The following DYSF variants were observed in gnomAD, a reference collection of about 807,000 sequenced individuals.
DYSF encodes dystrophy-associated fer-1-like 1.
A neutral mutation model predicts 274.9 loss-of-function variants in DYSF; 212 were observed. The ratio of observed to expected loss-of-function variants is 0.77; its 90% CI spans 0.69 to 0.86. The LOEUF (loss-of-function observed/expected upper bound fraction) is 0.86. Among genes scored for constraint, DYSF ranks in the 40% least tolerant of loss-of-function variants. DYSF has a pLI of 0.00. For missense variants in DYSF, 2,666 were observed against 2,783.2 expected, an observed-to-expected ratio of 0.96 and a Z score of 0.95; for synonymous variants, 1,091 against 1,078.7, an observed-to-expected ratio of 1.01 and a Z score of -0.22.
At chr2:71,543,635 A>G (rs1365418438) in intron 17 of DYSF, among the ~76,000 whole-genome samples, 2 of 152,246 alleles carry the variant, frequency 1.3e-5, no homozygotes, top group Non-Finnish European at 2.9e-5. Flanking sequence ...GGAGGCTGGC[A>G]GATCACTCGC....
intron 32 of DYSF, among the ~76,000 whole-genome samples, chr2:71,592,694 G>A (rs1014461290): frequency 6.6e-5 from 10 of 152,246 alleles, no homozygotes; most frequent in African/African-American, 2.4e-4. Context: ...CTGGGGCAGA[G>A]AGGGCCCTCC....
intron 36 of DYSF, among the ~76,000 whole-genome samples, chr2:71,604,974 T>G (rs1002496909): frequency 7.9e-5 from 12 of 152,282 alleles, no homozygotes; most frequent in African/African-American, 2.9e-4. Context: ...TCTCCCAGGC[T>G]TTATGCCCAT....
chr2:71,632,010 G>A (rs1026874138), intron 41 of DYSF, among the ~76,000 whole-genome samples: 3 of 152,006 alleles, frequency 2.0e-5, no homozygotes, highest in African/African-American at 7.2e-5. Context: ...TCTTTCCCCT[G>A]GTCTGAGAGG....
chr2:71,678,440 A>G (rs927190561), intron 52 of DYSF, among the ~76,000 whole-genome samples: 20 of 152,218 alleles, frequency 1.3e-4, no homozygotes, highest in South Asian at 8.3e-4. Context: ...ACAAAAGAAC[A>G]AATATTGTAT....
chr2:71,660,390 A>C (rs1036990439), intron 44 of DYSF, among the ~76,000 whole-genome samples, 170 bp from the exon 45 acceptor site: 1 of 152,212 alleles, frequency 6.6e-6, no homozygotes, highest in African/African-American at 2.4e-5. Flanking sequence ...GTCAGGGTCC[A>C]AGTGGAGTGG....
At chr2:71,655,535 C>T (rs1163182205) in intron 42 of DYSF, among the ~76,000 whole-genome samples, 1 of 152,212 alleles carries the variant, frequency 6.6e-6, no homozygotes, top group African/African-American at 2.4e-5. Flanking sequence ...AATTCTAAAG[C>T]ACTGCTTTAA....
rs2087885091 is a variant in DYSF, at chr2:71,526,236, C to T, written c.1166C>T (p.Pro389Leu). 2 of 1,614,242 alleles carry T rather than the reference C, an allele frequency of 1.2e-6. No individual in the cohort carries two copies. Among genetic ancestry groups the T allele is most frequent in the South Asian group, 2.2e-5 (2 of 91,088 alleles). ...TCTTTGTAGCTGGAGAGAAAAGACC[C>T]CTCTGAAGACAAGGAGGACATTGAA... ...GDEAPLERKD[P>L]SEDKEDIESN... is the part of the protein sequence containing the mutation. Residue 389 changes from proline to leucine, a missense_variant, in exon 13 of 56, where the codon CCC becomes CTC. Coordinates refer to ENST00000410020, the MANE Select transcript of DYSF (RefSeq NM_001130987.2).
chr2:71,574,330 A>T lies in DYSF; in HGVS notation c.3361A>T (p.Lys1121Ter), dbSNP rs1558513494. 5 of 1,614,040 alleles carry T rather than the reference A, an allele frequency of 3.1e-6. No individual in the cohort carries two copies. Among genetic ancestry groups the T allele is most frequent in the Non-Finnish European group, 3.4e-6 (4 of 1,179,966 alleles). Residue 1121 changes from lysine (K) to a stop codon, truncating the protein, a stop_gained, in exon 30 of 56, where the codon AAG becomes TAG. Transcript: ENST00000410020. LOFTEE classifies it high-confidence loss of function. ...RWRRRMEPLE[K>*]TGPAAVFALE... ...GCGCCGTCGCATGGAGCCACTGGAG[A>T]AGACGGGGCCTGCAGCTGTGTTTGC...
At chr2:71,462,150 C>A (rs1174701419), upstream of DYSF, among the ~76,000 whole-genome samples, 1 of 152,216 alleles carries the variant, frequency 6.6e-6, no homozygotes, top group Non-Finnish European at 1.5e-5. Context: ...AGCCCTGATC[C>A]CACGCCTGCG....
chr2:71,672,324 G>A (rs2095139531), intron 51 of DYSF, among the ~76,000 whole-genome samples: 1 of 152,076 alleles, frequency 6.6e-6, no homozygotes, highest in African/African-American at 2.4e-5. Context: ...ATCGAGTCTG[G>A]ATGGGTTCGT....
intron 14 of DYSF, among the ~76,000 whole-genome samples, chr2:71,529,302 C>T (rs1159212524): frequency 3.3e-5 from 5 of 152,218 alleles, no homozygotes; most frequent in African/African-American, 7.2e-5. Flanking sequence ...CCCCCACAGC[C>T]ACTGCTAGCT....
chr2:71,601,284 A>T, intron 34 of DYSF: 1 of 659,742 alleles, frequency 1.5e-6, no homozygotes, highest in Non-Finnish European at 2.7e-6. Flanking sequence ...TATGATGTGA[A>T]CCCGAATAAG....
upstream of DYSF, among the ~76,000 whole-genome samples, chr2:71,464,855 G>T (rs183614245): frequency 1.4e-3 from 207 of 152,236 alleles, 2 homozygotes; most frequent in African/African-American, 4.5e-3. Context: ...GGCAAGGGAT[G>T]ACAGGCTTCC....
chr2:71,516,128 G>A (rs1004869329), intron 8 of DYSF, 52 bp from the exon 9 acceptor site: 14 of 1,581,406 alleles, frequency 8.9e-6, no homozygotes, highest in Admixed American at 1.7e-5. Flanking sequence ...CCTCTCCCTG[G>A]CCTGAGGGAT....
At chr2:71,502,801 C>T (rs187524562) in intron 3 of DYSF, among the ~76,000 whole-genome samples, 12 of 152,280 alleles carry the variant, frequency 7.9e-5, no homozygotes, top group East Asian at 3.9e-4. Context: ...CCAATACAGA[C>T]GGCCTGTGTA....
At position 71,530,650 on chromosome 2, in the gene DYSF, A is replaced by T. The variant is rs78483279; in HGVS notation, c.1380+2249A>T. 6.9e-3 allele frequency among the ~76,000 whole-genome samples: 1,048 copies of T among 152,276 alleles called. 13 individuals are homozygous for T. The highest frequency in any genetic ancestry group is 0.024 in the African/African-American group (1,013 of 41,572). ...AGAATGACCTTATGGTGAAGGAGGCAGCTGGAATGCTCCGTCTTGAAAGTT... is the reference window on the plus strand; with the variant it reads ...AGAATGACCTTATGGTGAAGGAGGCTGCTGGAATGCTCCGTCTTGAAAGTT... On this transcript the variant is annotated intron_variant, in intron 14 of 55. Transcript: ENST00000410020.
chr2:71,529,685 T>A (rs543517441), intron 14 of DYSF, among the ~76,000 whole-genome samples: 1 of 152,240 alleles, frequency 6.6e-6, no homozygotes, highest in South Asian at 2.1e-4. Flanking sequence ...GGTGATATCT[T>A]GGCACTGTAC....
At chr2:71,466,655 CG>C (rs2081552726), upstream of DYSF, 2 of 1,316,574 alleles carry the variant, frequency 1.5e-6, no homozygotes, top group Admixed American at 7.0e-5. Context: ...GTCCGCCCAG[CG>C]GGTGTCCGGT....
At chr2:71,592,560 G>C (rs561946797) in intron 32 of DYSF, among the ~76,000 whole-genome samples, 1 of 152,376 alleles carries the variant, frequency 6.6e-6, no homozygotes, top group Admixed American at 6.5e-5. Flanking sequence ...GCCGGAGGCT[G>C]TGCATGGCCA....
Sources: gnomAD v4.1 joint callset for allele counts (sites outside exome capture counted in the v4.1 genomes callset) on GRCh38, gnomAD v4.1.1 for gene constraint, MANE v1.5 for transcripts, NCBI Gene and HGNC (gene_info 2026-07-23, HGNC 2026-07-21) for gene names.